NRIP1: variants seen among roughly 807,000 people sequenced by gnomAD.
NRIP1 encodes the protein nuclear receptor interacting protein 1.
Under a neutral mutation model 75.0 loss-of-function variants are expected in NRIP1, and 28 were observed. That is an observed-to-expected ratio of 0.37 (90% CI 0.28 to 0.51). NRIP1 has a LOEUF of 0.51. Ranked by LOEUF, NRIP1 falls within the 20% of genes least tolerant of loss-of-function variation. The pLI is 0.92. For synonymous variants in NRIP1, 526 were observed against 487.6 expected, an observed-to-expected ratio of 1.08 and a Z score of -1.04; for missense variants, 1,435 against 1,343.7, an observed-to-expected ratio of 1.07 and a Z score of -1.06.
chr21:15,044,005 G>A (rs565796044), intron 1 of NRIP1, among the ~76,000 whole-genome samples: 2 of 152,060 alleles, frequency 1.3e-5, no homozygotes, highest in African/African-American at 4.8e-5. Flanking sequence ...TTTTAGTAGA[G>A]ACGAGTTTTC....
chr21:15,021,977 G>A (rs1169256806), intron 2 of NRIP1, among the ~76,000 whole-genome samples: 5 of 152,182 alleles, frequency 3.3e-5, no homozygotes, highest in African/African-American at 1.2e-4. Context: ...GTGGAAGACA[G>A]CGTGGCAAGT....
chr21:15,035,702 G>C (rs933776501), intron 2 of NRIP1, among the ~76,000 whole-genome samples: 2 of 151,792 alleles, frequency 1.3e-5, no homozygotes, highest in African/African-American at 4.8e-5. Context: ...GATTACAGTT[G>C]TGTGCCACCA....
intron 3 of NRIP1, among the ~76,000 whole-genome samples, chr21:15,003,012 A>ATAATTATGG (rs1262780331): frequency 2.6e-5 from 4 of 152,182 alleles, no homozygotes; most frequent in African/African-American, 7.2e-5. Context: ...TTATGGCATC[A>ATAATTATGG]CGGTGGTATG....
At chr21:15,054,768 G>A (rs1466313950) in intron 1 of NRIP1, among the ~76,000 whole-genome samples, 1 of 152,200 alleles carries the variant, frequency 6.6e-6, no homozygotes, top group African/African-American at 2.4e-5. Flanking sequence ...CCTTCTGTGT[G>A]CCAGACACTT....
intron 3 of NRIP1, among the ~76,000 whole-genome samples, chr21:14,977,342 G>T (rs1389426865): frequency 6.6e-6 from 1 of 152,148 alleles, no homozygotes; most frequent in African/African-American, 2.4e-5. Flanking sequence ...TTGAAAGGAA[G>T]TTTTAAAAGC....
chr21:15,004,100 T>A (rs2087910956), intron 3 of NRIP1, among the ~76,000 whole-genome samples: 1 of 152,212 alleles, frequency 6.6e-6, no homozygotes, highest in Non-Finnish European at 1.5e-5. Flanking sequence ...CCAAAATTGT[T>A]TCTCAATAGG....
At chr21:15,061,562 C>A (rs2089424138) in intron 1 of NRIP1, among the ~76,000 whole-genome samples, 1 of 152,164 alleles carries the variant, frequency 6.6e-6, no homozygotes, top group Admixed American at 6.5e-5. Flanking sequence ...ATCAAGCAAT[C>A]TCAAATGCGA....
chr21:14,966,036 G>C lies in NRIP1; in HGVS notation c.2157C>G (p.Asn719Lys), dbSNP rs199841733. ...RRTVLQLLLG[N>K]PNKGKSEKKE... Reference sequence around the variant, plus strand: ...TTTTTTCACTCTTCCCTTTGTTGGGGTTCCCCAGGAGCAACTGGAGGACAG... The same window carrying C: ...TTTTTTCACTCTTCCCTTTGTTGGGCTTCCCCAGGAGCAACTGGAGGACAG... The change falls in exon 4 of 4, where the codon AAC becomes AAG. Residue 719 changes from asparagine to lysine, a missense_variant. Physicochemically the swap from Asn to Lys is moderately conservative, Grantham distance 94. Coordinates refer to ENST00000318948, the MANE Select transcript of NRIP1 (RefSeq NM_003489.4). The C allele has an allele frequency of 6.4e-5, 103 of 1,611,506 alleles. No homozygotes were observed. Among genetic ancestry groups the C allele is most frequent in the Non-Finnish European group, 4.3e-5 (51 of 1,179,526 alleles).
At chr21:15,019,994 T>C (rs189372768) in intron 2 of NRIP1, among the ~76,000 whole-genome samples, 176 of 152,250 alleles carry the variant, frequency 1.2e-3, no homozygotes, top group African/African-American at 3.8e-3. Flanking sequence ...TAAAGAAGAC[T>C]TGTTTATTGG....
intron 3 of NRIP1, among the ~76,000 whole-genome samples, chr21:14,990,929 T>C (rs9808640): frequency 0.05 from 7,548 of 152,196 alleles, 574 homozygotes; most frequent in African/African-American, 0.16. Flanking sequence ...GAAGAAGGGT[T>C]ACCCTAGGTC....
intron 2 of NRIP1, among the ~76,000 whole-genome samples, chr21:15,035,424 T>C (rs1010751179): frequency 2.0e-5 from 3 of 152,110 alleles, no homozygotes; most frequent in African/African-American, 7.2e-5. Context: ...AATGTTGCTA[T>C]AAAAATAAAG....
intron 3 of NRIP1, among the ~76,000 whole-genome samples, chr21:14,983,923 C>T (rs887517624): frequency 2.0e-5 from 3 of 152,126 alleles, no homozygotes; most frequent in Non-Finnish European, 2.9e-5. Context: ...ATATTACAGG[C>T]CATGTACCTG....
At position 15,063,318 on chromosome 21, in the gene NRIP1, A is replaced by G. The variant is rs188964028; in HGVS notation, c.-538+1427T>C. 1.9e-3 allele frequency among the ~76,000 whole-genome samples: 296 copies of G among 152,356 alleles called. 1 individual carries two copies. The highest frequency in any genetic ancestry group is 7.0e-3 in the African/African-American group (290 of 41,582). The stretch of plus-strand genomic sequence containing the variant: ...AACCAGAGCAACTCACTTACTTGGA[A>G]GGTGAAAAACACTTCAACATACTCC... On this transcript the variant is annotated intron_variant, in intron 1 of 3. Transcript: ENST00000318948.
chr21:15,021,290 A>G lies in NRIP1; in HGVS notation c.-457-6824T>C, dbSNP rs143676502. On this transcript the variant is annotated intron_variant, in intron 2 of 3. Coordinates refer to ENST00000318948, the MANE Select transcript of NRIP1 (RefSeq NM_003489.4). ...TAGTGAAAGAAGCTAAATACGAAAG[A>G]TATCTATATTGTATGATTCCAAAAA... is the stretch of plus-strand genomic sequence containing the variant. 7.2e-3 allele frequency among the ~76,000 whole-genome samples: 1,098 copies of G among 152,334 alleles called. 9 individuals carry two copies. Among genetic ancestry groups the G allele is most frequent in the Non-Finnish European group, 0.01 (688 of 68,026 alleles).
intron 3 of NRIP1, chr21:14,974,114 T>A (rs2086983263): frequency 6.6e-6 from 1 of 152,210 alleles, no homozygotes; most frequent in South Asian, 2.1e-4. Context: ...ACAATAAGAA[T>A]AAAGAAATGA....
At position 14,992,005 on chromosome 21, in the gene NRIP1, A is replaced by C. The variant is rs1435608326; in HGVS notation, c.-335+22339T>G. Among the ~76,000 whole-genome samples the C allele has an allele frequency of 2.6e-5, 4 of 151,942 alleles. No homozygotes were observed. The East Asian group carries it at 7.7e-4, about 29-fold the overall frequency. On this transcript the variant is annotated intron_variant, in intron 3 of 3. Transcript: ENST00000318948. Reference sequence around the variant, plus strand: ...GACCAACATTTTCTCCTCTATTCTAAATATTGTACACAGCCCAAAGGAAGT... The same window carrying C: ...GACCAACATTTTCTCCTCTATTCTACATATTGTACACAGCCCAAAGGAAGT...
At chr21:15,048,840 A>G (rs1284129949) in intron 1 of NRIP1, among the ~76,000 whole-genome samples, 1 of 152,212 alleles carries the variant, frequency 6.6e-6, no homozygotes, top group Non-Finnish European at 1.5e-5. Flanking sequence ...TGTGTAATTT[A>G]CCAAGGAGAA....
rs775729843 is a variant in NRIP1, at chr21:14,964,740, T to G, written c.3453A>C (p.Leu1151=). ...TTTATTCTGATTCTTTCTTTATCGT[T>G]AGCACGCTTCCCAGAAGTCCATAAA... ...GEVYGLLGSV[L]TIKKESE Residue 1151 remains leucine (L), a synonymous_variant, in exon 4 of 4, where the codon CTA becomes CTC. Coordinates refer to ENST00000318948, the MANE Select transcript of NRIP1 (RefSeq NM_003489.4). 1.4e-5 allele frequency: 22 copies of G among 1,558,208 alleles called. 1 individual carries two copies. In the South Asian group the frequency reaches 2.6e-4, roughly 18 times the overall value.
intron 1 of NRIP1, chr21:15,052,493 C>T (rs971832938): frequency 1.3e-5 from 2 of 152,116 alleles, no homozygotes; most frequent in Non-Finnish European, 2.9e-5. Context: ...TAACAATGGT[C>T]ATTGAGAACT....
Sources: allele counts gnomAD v4.1 joint callset (sites outside exome capture counted in the v4.1 genomes callset), GRCh38; gene constraint gnomAD v4.1.1; transcripts MANE v1.5; gene names NCBI Gene and HGNC (gene_info 2026-07-23, HGNC 2026-07-21).